Variants in METTL22 observed in about 807,000 individuals in gnomAD.
METTL22 encodes methyltransferase-like protein 22.
A neutral mutation model predicts 48.4 loss-of-function variants in METTL22; 51 were observed. That is an observed-to-expected ratio of 1.05 (90% CI 0.84 to 1.33). The LOEUF (loss-of-function observed/expected upper bound fraction) is 1.33, where lower values mean the gene tolerates loss of function less well. Among genes scored for constraint, METTL22 ranks in the 40% most tolerant of loss-of-function variants. METTL22 has a pLI of 0.00. For missense variants in METTL22, 678 were observed against 526.9 expected (o/e 1.29, Z -2.81); for synonymous variants, 255 against 214.1 (o/e 1.19, Z -1.67).
chr16:8,640,890 GT>G, intron 6 of METTL22, among the ~76,000 whole-genome samples: 1 of 71,334 alleles, frequency 1.4e-5, no homozygotes, highest in African/African-American at 5.9e-5. Context: ...GGGTGGGTGG[GT>G]GAATGGATGG....
At position 8,638,226 on chromosome 16, in the gene METTL22, C is replaced by T. The variant is rs148522728; in HGVS notation, c.701-865C>T. Among the ~76,000 whole-genome samples the T allele has an allele frequency of 5.9e-5, 9 of 152,246 alleles. No individual in the cohort carries two copies. In the East Asian group the frequency reaches 1.6e-3, roughly 26 times the overall value. On this transcript the variant is annotated intron_variant, in intron 5 of 10. Transcript: ENST00000381920. ...TTGGCCTAGGAGATAGGGTAGATCC[C>T]TCCCTTCTGCAAGCAGGGAGCTCCT...
At chr16:8,649,876 G>A (rs2056868667), downstream of METTL22, among the ~76,000 whole-genome samples, 2 of 152,028 alleles carry the variant, frequency 1.3e-5, no homozygotes, top group South Asian at 2.1e-4. Flanking sequence ...GTATGCACAC[G>A]AATCACTTGG....
Position 8,628,857 on chromosome 16 carries a change from C to G in METTL22, c.261C>G (p.Ser87=). ...PPSAETGSTG[S]PPGSGHGNEG... is the part of the protein sequence containing the mutation. ...CTGCTGAGACAGGCAGCACAGGGTC[C>G]CCTCCAGGAAGTGGCCATGGTAATG... Residue 87 remains serine, a synonymous_variant, in exon 3 of 11, where the codon TCC becomes TCG. Transcript: ENST00000381920. 1.2e-6 allele frequency: 2 copies of G among 1,613,672 alleles called. No homozygotes were observed. The highest frequency in any genetic ancestry group is 1.7e-6 in the Non-Finnish European group (2 of 1,179,922).
At chr16:8,633,583 A>G (rs1421636679) in intron 3 of METTL22, among the ~76,000 whole-genome samples, 1 of 152,214 alleles carries the variant, frequency 6.6e-6, no homozygotes, top group African/African-American at 2.4e-5. Flanking sequence ...TCCAGCGTAG[A>G]TGACAGAGTG....
intron 10 of METTL22, chr16:8,645,787 T>G (rs2056767810): frequency 2.3e-6 from 1 of 430,402 alleles, no homozygotes. Flanking sequence ...AAAATAAAAT[T>G]GTTTATAAAG....
At position 8,646,313 on chromosome 16, in the gene METTL22, T is replaced by C. The variant is rs1242066644; in HGVS notation, c.*170T>C. 5 of 838,352 alleles carry C rather than the reference T, an allele frequency of 6.0e-6. No homozygotes were observed. Among genetic ancestry groups the C allele is most frequent in the East Asian group, 5.3e-5 (2 of 37,760 alleles). 51.9% of individuals were successfully genotyped at this position (838,352 alleles called of 1,614,324 possible). A position where few individuals can be genotyped will look rare whatever the true frequency, so the allele number is the denominator to read the frequency against. The stretch of plus-strand genomic sequence containing the variant: ...TCTGGGGTCTGTCCCTGCCTCCCAG[T>C]TGTAGCCAGAGAAGGTTGTTGCTGT... On this transcript the variant is annotated 3_prime_UTR_variant, in exon 11 of 11. Coordinates refer to ENST00000381920, the MANE Select transcript of METTL22 (RefSeq NM_024109.4).
intron 1 of METTL22, 22 bp downstream of exon 1, chr16:8,621,797 C>T: frequency 6.6e-6 from 1 of 152,340 alleles, no homozygotes; most frequent in Non-Finnish European, 1.5e-5. Context: ...GGAGAGGCGG[C>T]GGGATAGGGT....
intron 6 of METTL22, among the ~76,000 whole-genome samples, chr16:8,639,966 G>C (rs1217693073): frequency 6.6e-6 from 1 of 151,808 alleles, no homozygotes; most frequent in Non-Finnish European, 1.5e-5. Context: ...CCCTCTGCCT[G>C]AGTGCTCTGC....
At chr16:8,639,014 C>A in intron 5 of METTL22, 77 bp from the exon 6 acceptor site, 1 of 1,353,110 alleles carries the variant, frequency 7.4e-7, no homozygotes, top group Non-Finnish European at 1.0e-6. Context: ...TTGATCACAG[C>A]TCTCTCTAGG....
At chr16:8,636,092 G>A (rs956203035) in intron 5 of METTL22, among the ~76,000 whole-genome samples, 1 of 152,072 alleles carries the variant, frequency 6.6e-6, no homozygotes, top group African/African-American at 2.4e-5. Flanking sequence ...TACCCAATAG[G>A]GAAGCTTTAA....
Position 8,625,765 on chromosome 16 carries a change from C to G in METTL22, c.100C>G (p.Leu34Val). The change falls in exon 2 of 11, where the codon CTC becomes GTC. Residue 34 changes from leucine to valine, a missense_variant. By Grantham distance (32) the Leu-to-Val change is conservative. Transcript: ENST00000381920. ...VHLYTPNHRH[L>V]MVRLNSVGQP... ...CCTCTATACCCCGAACCATAGACAT[C>G]TCATGGTACGGCTGAACAGCGTGGG... 1 of 1,614,200 alleles carries G rather than the reference C, an allele frequency of 6.2e-7. No homozygotes were observed. Among genetic ancestry groups the G allele is most frequent in the South Asian group, 1.1e-5 (1 of 91,080 alleles).
At chr16:8,627,534 C>T (rs2056102131) in intron 2 of METTL22, among the ~76,000 whole-genome samples, 1 of 152,096 alleles carries the variant, frequency 6.6e-6, no homozygotes, top group South Asian at 2.1e-4. Context: ...TTAATAATTC[C>T]CATTGACCTC....
In METTL22 at chr16:8,647,466, T is replaced by G. The variant is rs546866695; in HGVS notation, c.*1323T>G. The G allele has an allele frequency of 1.3e-5, 2 of 152,222 alleles. No individual in the cohort carries two copies. Among genetic ancestry groups the G allele is most frequent in the African/African-American group, 4.8e-5 (2 of 41,450 alleles). 9.4% of individuals were successfully genotyped at this position (152,222 alleles called of 1,614,324 possible). On this transcript the variant is annotated 3_prime_UTR_variant, in exon 11 of 11. Transcript: ENST00000381920. ...TAGGTCATTATTTCCTATTTGTGAG[T>G]GATTTTGCCTCCAGGAACATTTGGC... is the stretch of plus-strand genomic sequence containing the variant.
At chr16:8,642,362 C>G (rs943186826) in intron 8 of METTL22, 101 bp from the exon 9 acceptor site, 6 of 1,295,818 alleles carry the variant, frequency 4.6e-6, no homozygotes, top group Admixed American at 1.7e-5. Flanking sequence ...TGCTGCTGTT[C>G]CGTGGTGATA....
At chr16:8,628,692 C>G (rs1317006581) in intron 2 of METTL22, 38 bp from the exon 3 acceptor site, 1 of 1,557,500 alleles carries the variant, frequency 6.4e-7, no homozygotes, top group South Asian at 1.2e-5. Flanking sequence ...AAGAAAACAT[C>G]TTGGAATTCT....
chr16:8,657,843 G>A, the METTL22 span, among the ~76,000 whole-genome samples: 1 of 90,392 alleles, frequency 1.1e-5, no homozygotes, highest in African/African-American at 7.0e-5. Context: ...TTGAGACAAG[G>A]TTTCTCTCTG....
intron 3 of METTL22, among the ~76,000 whole-genome samples, chr16:8,633,861 G>C (rs976630294): frequency 6.6e-6 from 1 of 152,176 alleles, no homozygotes; most frequent in Non-Finnish European, 1.5e-5. Flanking sequence ...GTCTTTCTCT[G>C]TAATATACAT....
At chr16:8,629,218 A>T in intron 3 of METTL22, 108 bp downstream of exon 3, 1 of 1,428,486 alleles carries the variant, frequency 7.0e-7, no homozygotes, top group Non-Finnish European at 9.4e-7. Context: ...CAGGCAGCAC[A>T]GGTTATGAGA....
At chr16:8,656,690 G>A in the METTL22 span, among the ~76,000 whole-genome samples, 5 of 152,196 alleles carry the variant, frequency 3.3e-5, no homozygotes, top group South Asian at 6.2e-4. Context: ...TGTGCCCTGC[G>A]GCTCCAATGC....
Sources: gnomAD v4.1 joint callset for allele counts (sites outside exome capture counted in the v4.1 genomes callset) on GRCh38, gnomAD v4.1.1 for gene constraint, MANE v1.5 for transcripts, NCBI Gene and HGNC (gene_info 2026-07-23, HGNC 2026-07-21) for gene names.